The following ANKRD36C variants were observed in gnomAD, a reference collection of about 807,000 sequenced individuals.
ANKRD36C encodes the protein ankyrin repeat domain-containing protein 36C.
ANKRD36C carries 61 observed loss-of-function variants against 276.4 expected under a neutral mutation model. The observed-to-expected ratio is 0.22, with a 90% confidence interval of 0.18 to 0.27. The LOEUF is 0.27. ANKRD36C is among the 10% of genes least tolerant of loss of function. ANKRD36C has a pLI of 1.00. For missense variants in ANKRD36C, 1,447 were observed against 2,032.3 expected (o/e 0.71, Z 5.54); for synonymous variants, 483 against 680.1 (o/e 0.71, Z 4.51).
chr2:95,880,783 A>G (rs1676059704), intron 56 of ANKRD36C, among the ~76,000 whole-genome samples, 160 bp from the exon 77 acceptor site: 1 of 152,216 alleles, frequency 6.6e-6, no homozygotes, highest in Non-Finnish European at 1.5e-5. Flanking sequence ...TATGATAGAA[A>G]TGCAATGAAG....
intron 42 of ANKRD36C, 48 bp from the exon 53 acceptor site, chr2:95,903,129 A>T (rs1676706198): frequency 5.2e-6 from 8 of 1,542,086 alleles, no homozygotes; most frequent in Non-Finnish European, 6.1e-6. Flanking sequence ...AAAATGACAA[A>T]ATTATCCACA....
At position 95,978,211 on chromosome 2, in the gene ANKRD36C, A is replaced by G. The variant is rs1678852479; in HGVS notation, c.732-22T>C. 5 of 783,762 alleles carry G rather than the reference A, an allele frequency of 6.4e-6. No individual in the cohort carries two copies. In the South Asian group the frequency reaches 8.4e-5, roughly 13 times the overall value. 48.6% of individuals were successfully genotyped at this position (783,762 alleles called of 1,614,324 possible). On this transcript the variant is annotated intron_variant, in intron 5 of 66. Coordinates refer to ENST00000456556, the Ensembl canonical transcript of ANKRD36C. ...AATGCTATGCATAAAAATAAATGAA[A>G]TTAATATTTTAATACTATTATCAAA...
chr2:95,956,959 G>A, intron 12 of ANKRD36C, 143 bp from the exon 13 acceptor site: 5 of 726,164 alleles, frequency 6.9e-6, no homozygotes, highest in Non-Finnish European at 1.1e-5. Context: ...AGAAGCCCAG[G>A]CAATTCAGAC....
At chr2:95,886,922 C>G (rs1321073790) in intron 50 of ANKRD36C, among the ~76,000 whole-genome samples, 2 of 151,666 alleles carry the variant, frequency 1.3e-5, no homozygotes, top group Non-Finnish European at 2.9e-5. Context: ...AATATATAAC[C>G]TCAATAAAAG....
intron 6 of ANKRD36C, among the ~76,000 whole-genome samples, chr2:95,969,627 C>T (rs1375108130): frequency 1.3e-5 from 2 of 152,162 alleles, no homozygotes; most frequent in Non-Finnish European, 2.9e-5. Flanking sequence ...GTTCACGGAT[C>T]CAAGATCACG....
intron 30 of ANKRD36C, among the ~76,000 whole-genome samples, chr2:95,924,198 C>T (rs1220844353): frequency 1.3e-5 from 2 of 151,582 alleles, no homozygotes; most frequent in East Asian, 1.9e-4. Flanking sequence ...GTGGAAGGGA[C>T]CTAAATTGAT....
chr2:95,896,231 G>C (rs1317185743), intron 44 of ANKRD36C, among the ~76,000 whole-genome samples: 2 of 149,096 alleles, frequency 1.3e-5, no homozygotes, highest in Non-Finnish European at 3.0e-5. Context: ...GCTTCCGAAA[G>C]TTTCTTCATC....
At chr2:95,985,212 C>T (rs2443933) in intron 3 of ANKRD36C, among the ~76,000 whole-genome samples, 1 of 152,308 alleles carries the variant, frequency 6.6e-6, no homozygotes, top group Non-Finnish European at 1.5e-5. Context: ...GTGTTATTCT[C>T]ATGCTGATAG....
intron 6 of ANKRD36C, among the ~76,000 whole-genome samples, chr2:95,974,050 CAAA>C (rs1207476983): frequency 1.1e-5 from 1 of 87,436 alleles, no homozygotes. Context: ...GACTCAATCT[CAAA>C]AAAAAAAAAA....
rs1389962278 is a variant in ANKRD36C, at chr2:95,895,720, T to C, written c.2755+3425A>G. 2.1e-5 allele frequency: 31 copies of C among 1,475,656 alleles called. 1 individual carries two copies. Among genetic ancestry groups the C allele is most frequent in the Admixed American group, 3.9e-5 (2 of 50,856 alleles). 91.4% of individuals were successfully genotyped at this position (1,475,656 alleles called of 1,614,324 possible). On this transcript the variant is annotated intron_variant, in intron 44 of 66. Transcript: ENST00000456556. ...GTGGAGGCTTTCATGGCTTCTACTT[T>C]GTCTCAGGGGACCAGAAGGTGACAG...
chr2:95,921,892 A>G, intron 32 of ANKRD36C, 82 bp from the exon 33 acceptor site: 1 of 1,409,468 alleles, frequency 7.1e-7, no homozygotes, highest in South Asian at 1.4e-5. Flanking sequence ...ATCAAGCTGT[A>G]TCTGCCTGCC....
chr2:95,944,547 A>G, intron 19 of ANKRD36C, 80 bp downstream of exon 19: 1 of 1,357,568 alleles, frequency 7.4e-7, no homozygotes. Flanking sequence ...ATTAAAGATC[A>G]TTAACAGATA....
At chr2:95,852,225 T>C (rs975725395) in intron 64 of ANKRD36C, 29 bp from the exon 85 acceptor site, 38 of 1,533,252 alleles carry the variant, frequency 2.5e-5, no homozygotes, top group Non-Finnish European at 3.3e-5. Flanking sequence ...AAAAATTACA[T>C]TTGGAAATGA....
At chr2:95,903,056 C>G (rs1387820121) in intron 42 of ANKRD36C, 1 of 1,570,622 alleles carries the variant, frequency 6.4e-7, no homozygotes, top group Non-Finnish European at 8.6e-7. Context: ...TCATTACCTT[C>G]AAGCCTGGTG....
At chr2:95,862,070 T>A (rs1675599250) in intron 60 of ANKRD36C, among the ~76,000 whole-genome samples, 1 of 151,976 alleles carries the variant, frequency 6.6e-6, no homozygotes, top group East Asian at 1.9e-4. Context: ...ATGCCCCTAA[T>A]AACAAACCAG....
intron 59 of ANKRD36C, among the ~76,000 whole-genome samples, chr2:95,874,639 A>G (rs1366897478): frequency 6.6e-6 from 1 of 152,254 alleles, no homozygotes; most frequent in Non-Finnish European, 1.5e-5. Context: ...CATGTCTAAA[A>G]CACCAACAGC....
At chr2:95,908,873 A>AT (rs1558634951) in intron 42 of ANKRD36C, among the ~76,000 whole-genome samples, 176 bp from the exon 47 acceptor site, 1 of 151,322 alleles carries the variant, frequency 6.6e-6, no homozygotes, top group Non-Finnish European at 1.5e-5. Context: ...AGAAAAGGGA[A>AT]TACAGGCTCC....
At chr2:95,984,879 T>C (rs1427859379) in intron 3 of ANKRD36C, among the ~76,000 whole-genome samples, 1 of 152,234 alleles carries the variant, frequency 6.6e-6, no homozygotes, top group African/African-American at 2.4e-5. Flanking sequence ...GACCTATATG[T>C]ATTCTCTGTA....
exon 46 of ANKRD36C, chr2:95,891,734 T>C (rs764566344): frequency 7.8e-5 from 124 of 1,581,606 alleles, no homozygotes; most frequent in Non-Finnish European, 1.0e-4. Context: ...TCGTCACTTG[T>C]AGCCTGAATG....
Sources: allele counts gnomAD v4.1 joint callset (sites outside exome capture counted in the v4.1 genomes callset), GRCh38; gene constraint gnomAD v4.1.1; transcripts MANE v1.5; gene names NCBI Gene and HGNC (gene_info 2026-07-23, HGNC 2026-07-21).